Variants in HDDC2 observed in about 807,000 individuals in gnomAD.
HDDC2 encodes the protein HD domain containing 2.
Under a neutral mutation model 25.5 loss-of-function variants are expected in HDDC2, and 25 were observed. That is an observed-to-expected ratio of 0.98 (90% CI 0.72 to 1.37). The LOEUF is 1.37. Among genes scored for constraint, HDDC2 ranks in the 40% most tolerant of loss-of-function variants. HDDC2 has a pLI of 0.00. For synonymous variants in HDDC2, 106 were observed against 89.7 expected (o/e 1.18, Z -1.03); for missense variants, 264 against 253.1 (o/e 1.04, Z -0.29).
At chr6:125,286,213 T>C (rs756849150) in intron 4 of HDDC2, among the ~76,000 whole-genome samples, 1 of 152,196 alleles carries the variant, frequency 6.6e-6, no homozygotes, top group Non-Finnish European at 1.5e-5. Context: ...ACATAAGGAC[T>C]GGTGATAAAC....
intron 4 of HDDC2, among the ~76,000 whole-genome samples, chr6:125,289,692 G>A (rs1356877139): frequency 6.6e-6 from 1 of 152,076 alleles, no homozygotes; most frequent in African/African-American, 2.4e-5. Flanking sequence ...CCTGTACTTT[G>A]AAGAATGAAT....
chr6:125,300,807 A>G, intron 1 of HDDC2, 148 bp from the exon 2 acceptor site: 1 of 710,204 alleles, frequency 1.4e-6, no homozygotes, highest in Non-Finnish European at 2.2e-6. Context: ...ACTAGCTAAA[A>G]TGATAGACAT....
At chr6:125,294,267 T>A (rs755975997) in intron 3 of HDDC2, among the ~76,000 whole-genome samples, 3 of 152,222 alleles carry the variant, frequency 2.0e-5, no homozygotes, top group Non-Finnish European at 2.9e-5. Flanking sequence ...TGGACATTTG[T>A]GTGTATATTT....
chr6:125,280,110 T>C (rs182385145), intron 4 of HDDC2, among the ~76,000 whole-genome samples: 11 of 152,214 alleles, frequency 7.2e-5, no homozygotes, highest in Admixed American at 5.2e-4. Flanking sequence ...CAGGATGAGG[T>C]GTCGCCTCAC....
intron 3 of HDDC2, among the ~76,000 whole-genome samples, chr6:125,297,002 C>G (rs1798713696): frequency 6.6e-6 from 1 of 152,206 alleles, no homozygotes; most frequent in African/African-American, 2.4e-5. Context: ...TCTTTTTCCT[C>G]TAGGCCCCAT....
At chr6:125,279,631 G>T (rs1359451318) in intron 4 of HDDC2, among the ~76,000 whole-genome samples, 1 of 152,106 alleles carries the variant, frequency 6.6e-6, no homozygotes, top group African/African-American at 2.4e-5. Context: ...CATGTTGTGA[G>T]CCATAAACAA....
intron 1 of HDDC2, 54 bp downstream of exon 1, chr6:125,301,795 C>G: frequency 7.4e-7 from 1 of 1,343,134 alleles, no homozygotes; most frequent in Non-Finnish European, 1.0e-6. Context: ...GAAGCTCCGC[C>G]GCCCCACAGT....
In HDDC2 at chr6:125,300,582, T is replaced by A. The variant is rs1274434000; in HGVS notation, c.162A>T (p.Ala54=). 6.2e-7 allele frequency: 1 copy of A among 1,614,094 alleles called. No homozygotes were observed. The change falls in exon 2 of 6, where the codon GCA becomes GCT. Residue 54 remains alanine (A), a synonymous_variant. Coordinates refer to ENST00000398153, the MANE Select transcript of HDDC2 (RefSeq NM_016063.3). ...ESVSDHMYRM[A]VMAMVIKDDR... ...CATCTTTGATCACCATAGCCATAACTGCCATCCGGTACATGTGATCTGAAA... is the reference window on the plus strand; with the variant it reads ...CATCTTTGATCACCATAGCCATAACAGCCATCCGGTACATGTGATCTGAAA...
At position 125,276,117 on chromosome 6, in the gene HDDC2, T is replaced by C; in HGVS notation, c.*29A>G. 1 of 1,436,806 alleles carries C rather than the reference T, an allele frequency of 7.0e-7. No individual in the cohort carries two copies. The highest frequency in any genetic ancestry group is 1.1e-5 in the South Asian group (1 of 87,432). The allele number at this position is 1,436,806 out of a possible 1,614,324, so 89.0% of individuals were successfully genotyped here. On this transcript the variant is annotated 3_prime_UTR_variant, in exon 6 of 6. Transcript: ENST00000398153. Reference sequence around the variant, plus strand: ...AATGAAATGGAAAAATAATGTTTGTTACAGGAGTGCAGCAATTTAGAGAGT... The same window carrying C: ...AATGAAATGGAAAAATAATGTTTGTCACAGGAGTGCAGCAATTTAGAGAGT...
At chr6:125,289,847 G>C (rs1798605051) in intron 4 of HDDC2, among the ~76,000 whole-genome samples, 1 of 152,228 alleles carries the variant, frequency 6.6e-6, no homozygotes, top group African/African-American at 2.4e-5. Context: ...TGCAGGAGAG[G>C]CTCCCCTCAC....
intron 3 of HDDC2, chr6:125,297,616 A>G: frequency 2.5e-6 from 1 of 403,042 alleles, no homozygotes; most frequent in Non-Finnish European, 4.4e-6. Flanking sequence ...TTTCCCCCAC[A>G]AGCTCCAGTC....
chr6:125,295,822 C>A (rs1316713629), intron 3 of HDDC2, among the ~76,000 whole-genome samples: 1 of 152,144 alleles, frequency 6.6e-6, no homozygotes, highest in Non-Finnish European at 1.5e-5. Flanking sequence ...CCATTATATT[C>A]CAGCTTCAAG....
chr6:125,300,728 AGAT>A, intron 1 of HDDC2, 69 bp from the exon 2 acceptor site: 1 of 1,492,962 alleles, frequency 6.7e-7, no homozygotes, highest in South Asian at 1.2e-5. Flanking sequence ...GCTCTTCAAG[AGAT>A]GTCCAGGATA....
At position 125,292,826 on chromosome 6, in the gene HDDC2, A is replaced by G. The variant is rs1443591570; in HGVS notation, c.378+15T>C. 1 of 1,594,102 alleles carries G rather than the reference A, an allele frequency of 6.3e-7. No individual in the cohort carries two copies. The highest frequency in any genetic ancestry group is 2.2e-5 in the East Asian group (1 of 44,784). On this transcript the variant is annotated intron_variant, in intron 4 of 5. Coordinates refer to ENST00000398153, the MANE Select transcript of HDDC2 (RefSeq NM_016063.3). The stretch of plus-strand genomic sequence containing the variant: ...AGATACAAATTAAAAACAGTAACGT[A>G]CCATATATACTTACTTCCCAAAGTT...
chr6:125,300,450 A>G, intron 2 of HDDC2, 88 bp downstream of exon 2: 1 of 1,469,456 alleles, frequency 6.8e-7, no homozygotes, highest in Non-Finnish European at 9.1e-7. Flanking sequence ...CTAACCTACA[A>G]GGATTTGACA....
At chr6:125,281,876 G>A (rs1436740716) in intron 4 of HDDC2, among the ~76,000 whole-genome samples, 2 of 152,118 alleles carry the variant, frequency 1.3e-5, no homozygotes, top group Admixed American at 6.6e-5. Context: ...CTCAAGAAGA[G>A]CAACCCCAAG....
In HDDC2 at chr6:125,285,381, G is replaced by C. The variant is rs199788843; in HGVS notation, c.378+7460C>G. On this transcript the variant is annotated intron_variant, in intron 4 of 5. Transcript: ENST00000398153. ...AAGAACAGTGAAATGTAAGATAAAA[G>C]GTTGTTTTAGAAACTAAGCAATAAG... is the stretch of plus-strand genomic sequence containing the variant. Among the ~76,000 whole-genome samples the C allele has an allele frequency of 3.3e-5, 5 of 152,178 alleles. No individual in the cohort carries two copies. The East Asian group carries it at 9.6e-4, about 29-fold the overall frequency.
chr6:125,298,957 A>G, intron 2 of HDDC2, 141 bp from the exon 3 acceptor site: 2 of 571,200 alleles, frequency 3.5e-6, no homozygotes, highest in South Asian at 2.8e-5. Context: ...TTTCTAAAGT[A>G]GTTATATTCT....
At chr6:125,300,511 C>A in intron 2 of HDDC2, 27 bp downstream of exon 2, 1 of 1,608,576 alleles carries the variant, frequency 6.2e-7, no homozygotes, top group South Asian at 1.1e-5. Context: ...GAATCTCTCA[C>A]GAGCATCAAA....
Sources: gnomAD v4.1 joint callset for allele counts (sites outside exome capture counted in the v4.1 genomes callset) on GRCh38, gnomAD v4.1.1 for gene constraint, MANE v1.5 for transcripts, NCBI Gene and HGNC (gene_info 2026-07-23, HGNC 2026-07-21) for gene names.